FMN2: variants seen among roughly 807,000 people sequenced by gnomAD.
FMN2 encodes the protein formin-2.
FMN2 carries 51 observed loss-of-function variants against 142.3 expected under a neutral mutation model. That is an observed-to-expected ratio of 0.36 (90% CI 0.29 to 0.45). The LOEUF (loss-of-function observed/expected upper bound fraction) is 0.45. Ranked by LOEUF, FMN2 falls within the 20% of genes least tolerant of loss-of-function variation. The pLI, the probability that FMN2 is intolerant of heterozygous loss-of-function variation, is 1.00. For missense variants in FMN2, 1,936 were observed against 2,122.8 expected (o/e 0.91, Z 1.73); for synonymous variants, 882 against 869.8 (o/e 1.01, Z -0.25).
At chr1:240,201,846 A>G (rs1360671166) in intron 4 of FMN2, among the ~76,000 whole-genome samples, 1 of 152,192 alleles carries the variant, frequency 6.6e-6, no homozygotes, top group African/African-American at 2.4e-5. Flanking sequence ...AGTGTTTACT[A>G]TAAAATCAGG....
In FMN2 at chr1:240,333,807, C is replaced by A; in HGVS notation, c.4585-80C>A. ...ATGTTCTCATGTATATACATGAATT[C>A]ACTAGAATCTTTTTTGGTAACACTT... On this transcript the variant is annotated intron_variant, in intron 11 of 17. Coordinates refer to ENST00000319653, the MANE Select transcript of FMN2 (RefSeq NM_020066.5). 2 of 1,088,256 alleles carry A rather than the reference C, an allele frequency of 1.8e-6. 1 individual carries two copies. Among genetic ancestry groups the A allele is most frequent in the South Asian group, 3.3e-5 (2 of 60,492 alleles). 67.4% of individuals were successfully genotyped at this position (1,088,256 alleles called of 1,614,324 possible). A position where few individuals can be genotyped will look rare whatever the true frequency, so the allele number is the denominator to read the frequency against.
At chr1:240,265,942 A>ATTTTTT (rs1558401671) in intron 7 of FMN2, among the ~76,000 whole-genome samples, 1 of 139,022 alleles carries the variant, frequency 7.2e-6, no homozygotes. Context: ...TCCTTTTTTC[A>ATTTTTT]TTGCCCTGAA....
intron 7 of FMN2, among the ~76,000 whole-genome samples, chr1:240,265,158 G>A (rs968705330): frequency 2.6e-5 from 4 of 152,134 alleles, no homozygotes; most frequent in African/African-American, 9.7e-5. Context: ...TTGGCTACCA[G>A]TTGTTTCATT....
chr1:240,339,339 ATT>A lies in FMN2; in HGVS notation c.4765+5118_4765+5119del, dbSNP rs56380168. Among the ~76,000 whole-genome samples, 1,155 of 151,384 alleles carry A rather than the reference ATT, an allele frequency of 7.6e-3. 3 individuals carry two copies. Among genetic ancestry groups the A allele is most frequent in the South Asian group, 0.024 (114 of 4,784 alleles). On this transcript the variant is annotated intron_variant, in intron 13 of 17. Coordinates refer to ENST00000319653, the MANE Select transcript of FMN2 (RefSeq NM_020066.5). ...ATTGTTATAATTGTTCTATTTTATT[ATT>A]TTTTTTTAATCTCTTACTGTGCCTA...
chr1:240,177,788 C>A, intron 2 of FMN2, 133 bp from the exon 3 acceptor site: 2 of 680,102 alleles, frequency 2.9e-6, no homozygotes, highest in Non-Finnish European at 2.2e-6. Context: ...TATAAAAATG[C>A]TGTTTTAATG....
At chr1:240,104,754 T>C (rs898867622) in intron 1 of FMN2, among the ~76,000 whole-genome samples, 6 of 152,190 alleles carry the variant, frequency 3.9e-5, no homozygotes, top group Non-Finnish European at 8.8e-5. Flanking sequence ...CCCACTGTTA[T>C]ATACTATTCC....
intron 7 of FMN2, among the ~76,000 whole-genome samples, chr1:240,277,128 A>G (rs754958584): frequency 6.6e-6 from 1 of 152,282 alleles, no homozygotes; most frequent in East Asian, 1.9e-4. Context: ...GAAATATTAT[A>G]TTTAATAAAC....
chr1:240,251,331 C>G (rs1437657348), intron 6 of FMN2, among the ~76,000 whole-genome samples: 1 of 152,036 alleles, frequency 6.6e-6, no homozygotes, highest in Admixed American at 6.6e-5. Flanking sequence ...TTCCTGGTCT[C>G]AGTAGTCATT....
At chr1:240,279,805 A>G (rs1226762710) in intron 7 of FMN2, among the ~76,000 whole-genome samples, 1 of 152,188 alleles carries the variant, frequency 6.6e-6, no homozygotes, top group Non-Finnish European at 1.5e-5. Context: ...AGAAAAAAGA[A>G]ACCTTCATTA....
At chr1:240,233,423 A>G (rs1244803303) in intron 6 of FMN2, among the ~76,000 whole-genome samples, 5 of 151,846 alleles carry the variant, frequency 3.3e-5, no homozygotes, top group Admixed American at 6.6e-5. Context: ...GTATGGGTCT[A>G]TCTTCCTTTT....
intron 6 of FMN2, among the ~76,000 whole-genome samples, chr1:240,253,719 T>C (rs1216956966): frequency 6.6e-6 from 1 of 152,236 alleles, no homozygotes; most frequent in African/African-American, 2.4e-5. Flanking sequence ...TAACAGTCAC[T>C]TATTCCAACT....
chr1:240,332,462 A>C (rs1671412738), intron 11 of FMN2, among the ~76,000 whole-genome samples: 1 of 152,142 alleles, frequency 6.6e-6, no homozygotes, highest in Admixed American at 6.5e-5. Context: ...TTTTGCAAAT[A>C]ACATTGAAAT....
At chr1:240,185,426 A>G (rs1665400062) in intron 3 of FMN2, among the ~76,000 whole-genome samples, 1 of 152,226 alleles carries the variant, frequency 6.6e-6, no homozygotes, top group South Asian at 2.1e-4. Flanking sequence ...GTGTTTTAAC[A>G]CACAGATTCA....
At chr1:240,121,415 C>T (rs1662241347) in intron 1 of FMN2, among the ~76,000 whole-genome samples, 1 of 147,510 alleles carries the variant, frequency 6.8e-6, no homozygotes, top group African/African-American at 2.5e-5. Context: ...CTTGCTCTGT[C>T]GCTAGGCTGG....
At chr1:240,442,709 C>T (rs890515222) in intron 16 of FMN2, among the ~76,000 whole-genome samples, 3 of 152,204 alleles carry the variant, frequency 2.0e-5, no homozygotes, top group African/African-American at 4.8e-5. Flanking sequence ...CGTCTGATTA[C>T]AGAGTGATAA....
intron 3 of FMN2, among the ~76,000 whole-genome samples, chr1:240,181,970 T>C (rs1665174501): frequency 6.6e-6 from 1 of 152,198 alleles, no homozygotes; most frequent in Non-Finnish European, 1.5e-5. Context: ...TTTATACATA[T>C]ACATGTCTTC....
intron 14 of FMN2, among the ~76,000 whole-genome samples, chr1:240,380,672 C>T (rs1673193345): frequency 6.8e-6 from 1 of 146,280 alleles, no homozygotes; most frequent in African/African-American, 2.5e-5. Context: ...CATTGCATCT[C>T]AAGGAGCTAG....
intron 1 of FMN2, among the ~76,000 whole-genome samples, chr1:240,118,496 A>AC (rs1436545798): frequency 6.6e-6 from 1 of 151,924 alleles, no homozygotes; most frequent in Non-Finnish European, 1.5e-5. Context: ...CCCACCTGGG[A>AC]CCCCCCTTCC....
chr1:240,277,678 A>G (rs1047940617), intron 7 of FMN2, among the ~76,000 whole-genome samples: 9 of 151,686 alleles, frequency 5.9e-5, no homozygotes, highest in Non-Finnish European at 8.8e-5. Context: ...GATTACAGGC[A>G]CCTGCCACCA....
Sources: gnomAD v4.1 joint callset for allele counts (sites outside exome capture counted in the v4.1 genomes callset) on GRCh38, gnomAD v4.1.1 for gene constraint, MANE v1.5 for transcripts, NCBI Gene and HGNC (gene_info 2026-07-23, HGNC 2026-07-21) for gene names.